The following TBC1D19 variants were observed in gnomAD, a reference collection of about 807,000 sequenced individuals.
The protein encoded by TBC1D19 is TBC1 domain family member 19, also known as TBC1 domain family, member 19.
TBC1D19 carries 60 observed loss-of-function variants against 89.0 expected under a neutral mutation model. That is an observed-to-expected ratio of 0.67 (90% CI 0.55 to 0.84). The LOEUF (loss-of-function observed/expected upper bound fraction) is 0.84. Among genes scored for constraint, TBC1D19 ranks in the 40% least tolerant of loss-of-function variants. TBC1D19 has a pLI of 0.00. For missense variants in TBC1D19, 500 were observed against 610.8 expected (o/e 0.82, Z 1.91); for synonymous variants, 189 against 199.7 (o/e 0.95, Z 0.45).
At chr4:26,646,929 TA>T (rs1431176557) in intron 7 of TBC1D19, among the ~76,000 whole-genome samples, 1 of 151,978 alleles carries the variant, frequency 6.6e-6, no homozygotes, top group Non-Finnish European at 1.5e-5. Context: ...AAGTATAATT[TA>T]AAAAAAGTAA....
At chr4:26,822,672 C>T in the TBC1D19 span, among the ~76,000 whole-genome samples, 4 of 151,948 alleles carry the variant, frequency 2.6e-5, no homozygotes, top group South Asian at 2.1e-4. Context: ...CGTTGAGATG[C>T]GGTTGAAGAC....
chr4:26,814,168 C>T, the TBC1D19 span, among the ~76,000 whole-genome samples: 2 of 152,164 alleles, frequency 1.3e-5, no homozygotes, highest in Non-Finnish European at 2.9e-5. Context: ...TGGTAGACCA[C>T]GGTCCCTGTA....
At chr4:26,700,450 T>C (rs1305023130) in intron 13 of TBC1D19, among the ~76,000 whole-genome samples, 2 of 152,196 alleles carry the variant, frequency 1.3e-5, no homozygotes, top group African/African-American at 4.8e-5. Context: ...TTTGTGGCCT[T>C]AGGCAATTCA....
chr4:26,856,527 T>C, the TBC1D19 span, among the ~76,000 whole-genome samples: 2 of 152,218 alleles, frequency 1.3e-5, no homozygotes, highest in Non-Finnish European at 2.9e-5. Flanking sequence ...GATAATTCTA[T>C]TCCTAGTTTT....
At chr4:26,624,067 C>G (rs1383526193) in intron 4 of TBC1D19, among the ~76,000 whole-genome samples, 1 of 152,166 alleles carries the variant, frequency 6.6e-6, no homozygotes, top group Non-Finnish European at 1.5e-5. Flanking sequence ...CTGTCCTCAG[C>G]CTTCCCCTTC....
At chr4:26,624,639 T>C (rs1742276161) in intron 4 of TBC1D19, among the ~76,000 whole-genome samples, 1 of 152,230 alleles carries the variant, frequency 6.6e-6, no homozygotes, top group African/African-American at 2.4e-5. Flanking sequence ...AGGAGCTTAG[T>C]AACTTTATGT....
chr4:26,742,436 A>G, intron 17 of TBC1D19, 72 bp from the exon 18 acceptor site: 3 of 1,275,468 alleles, frequency 2.4e-6, no homozygotes, highest in Non-Finnish European at 3.2e-6. Flanking sequence ...TTCCATTTGA[A>G]TAATTTGTTG....
intron 1 of TBC1D19, among the ~76,000 whole-genome samples, chr4:26,605,918 A>T (rs141593378): frequency 6.6e-6 from 1 of 152,086 alleles, no homozygotes; most frequent in South Asian, 2.1e-4. Flanking sequence ...TTTTTGAAGA[A>T]CTACCATTCT....
chr4:26,673,440 T>TACACACACACACACAC (rs1186152445), intron 10 of TBC1D19, among the ~76,000 whole-genome samples: 67 of 16,588 alleles, frequency 4.0e-3, no homozygotes, highest in African/African-American at 7.7e-3. Context: ...TATATATATA[T>TACACACACACACACAC]ATATATACAC....
At chr4:26,702,550 AG>A (rs1715417323) in intron 13 of TBC1D19, among the ~76,000 whole-genome samples, 1 of 152,212 alleles carries the variant, frequency 6.6e-6, no homozygotes, top group South Asian at 2.1e-4. Context: ...TAAGTACTAT[AG>A]GAGTATGCTT....
chr4:26,645,890 G>A lies in TBC1D19; in HGVS notation c.480+5703G>A, dbSNP rs1184479390. On this transcript the variant is annotated intron_variant, in intron 7 of 20. Coordinates refer to ENST00000264866, the MANE Select transcript of TBC1D19 (RefSeq NM_018317.4). ...TGTAATCCCAGCACTTTGGGAGGCCGAGGCGGGCGGATCACGAGGTCAGGA... is the reference window on the plus strand; with the variant it reads ...TGTAATCCCAGCACTTTGGGAGGCCAAGGCGGGCGGATCACGAGGTCAGGA... Among the ~76,000 whole-genome samples, 69 of 152,074 alleles carry A rather than the reference G, an allele frequency of 4.5e-4. No individual in the cohort carries two copies. The East Asian group carries it at 0.01, about 23-fold the overall frequency.
At chr4:26,675,351 G>A (rs1712710483) in intron 11 of TBC1D19, among the ~76,000 whole-genome samples, 1 of 151,818 alleles carries the variant, frequency 6.6e-6, no homozygotes, top group African/African-American at 2.4e-5. Context: ...TTTTTACAGT[G>A]TTCAAAAATC....
At chr4:26,653,047 C>T (rs1321514130) in intron 7 of TBC1D19, among the ~76,000 whole-genome samples, 1 of 152,138 alleles carries the variant, frequency 6.6e-6, no homozygotes, top group Non-Finnish European at 1.5e-5. Flanking sequence ...GAATGTGTTC[C>T]AGAGATTCTG....
At chr4:26,715,994 C>A (rs1374897470) in intron 13 of TBC1D19, among the ~76,000 whole-genome samples, 2 of 152,080 alleles carry the variant, frequency 1.3e-5, no homozygotes, top group Admixed American at 1.3e-4. Context: ...TTAGATATCA[C>A]CTTCTCAAGG....
chr4:26,655,591 C>T (rs1031904702), intron 7 of TBC1D19, among the ~76,000 whole-genome samples: 1 of 152,210 alleles, frequency 6.6e-6, no homozygotes, highest in Non-Finnish European at 1.5e-5. Context: ...CTCTCCCAGC[C>T]TTGCTGCCAC....
the TBC1D19 span, among the ~76,000 whole-genome samples, chr4:26,766,796 T>C: frequency 6.6e-6 from 1 of 152,206 alleles, no homozygotes; most frequent in Non-Finnish European, 1.5e-5. Flanking sequence ...ATCTACAAAA[T>C]GTAAATCAGT....
intron 3 of TBC1D19, among the ~76,000 whole-genome samples, chr4:26,619,929 C>G (rs1452825919): frequency 6.6e-6 from 1 of 152,184 alleles, no homozygotes; most frequent in Non-Finnish European, 1.5e-5. Context: ...ATTATTGGAA[C>G]ATGACTGTTT....
chr4:26,718,677 T>TA (rs538758272), intron 14 of TBC1D19, among the ~76,000 whole-genome samples: 248 of 152,208 alleles, frequency 1.6e-3, no homozygotes, highest in African/African-American at 5.7e-3. Flanking sequence ...CTCCACCTCC[T>TA]ACCCTAGGAG....
the TBC1D19 span, among the ~76,000 whole-genome samples, chr4:26,767,136 C>A: frequency 1.3e-5 from 2 of 152,034 alleles, no homozygotes; most frequent in African/African-American, 4.8e-5. Flanking sequence ...TGCCACTGTA[C>A]CCCAGCCTGG....
Sources: allele counts gnomAD v4.1 joint callset (sites outside exome capture counted in the v4.1 genomes callset), GRCh38; gene constraint gnomAD v4.1.1; transcripts MANE v1.5; gene names NCBI Gene and HGNC (gene_info 2026-07-23, HGNC 2026-07-21).